Variants in MYT1L observed in about 807,000 individuals in gnomAD.
The protein encoded by MYT1L is myelin transcription factor 1 like, also known as myelin transcription factor 1-like protein.
Under a neutral mutation model 126.7 loss-of-function variants are expected in MYT1L, and 12 were observed. The ratio of observed to expected loss-of-function variants is 0.09; its 90% confidence interval spans 0.06 to 0.15. The LOEUF (loss-of-function observed/expected upper bound fraction) is 0.15. Ranked by LOEUF, MYT1L falls within the 10% of genes least tolerant of loss-of-function variation. The probability of loss-of-function intolerance (pLI) is 1.00; values close to 1 mark genes in which losing one functional copy is unlikely to be tolerated. For synonymous variants in MYT1L, 541 were observed against 604.2 expected, an observed-to-expected ratio of 0.90 and a Z score of 1.53; for missense variants, 979 against 1,585.2, an observed-to-expected ratio of 0.62 and a Z score of 6.49.
chr2:2,018,176 T>C (rs946230470), intron 4 of MYT1L, among the ~76,000 whole-genome samples: 4 of 152,234 alleles, frequency 2.6e-5, no homozygotes, highest in Admixed American at 6.5e-5. Context: ...GGTTTGATTT[T>C]TCTTTCTCTT....
At chr2:1,982,654 G>A (rs1247500353) in intron 5 of MYT1L, among the ~76,000 whole-genome samples, 1 of 152,202 alleles carries the variant, frequency 6.6e-6, no homozygotes, top group Admixed American at 6.5e-5. Context: ...TGGAGAGACA[G>A]GTGTGTTCCA....
chr2:2,050,315 A>C (rs1470558199), intron 4 of MYT1L, among the ~76,000 whole-genome samples: 1 of 152,214 alleles, frequency 6.6e-6, no homozygotes, highest in East Asian at 1.9e-4. Flanking sequence ...GAGCTATTTC[A>C]GCAGATTTCT....
intron 1 of MYT1L, among the ~76,000 whole-genome samples, chr2:2,285,890 C>T (rs1170559277): frequency 1.3e-5 from 2 of 152,232 alleles, no homozygotes; most frequent in Non-Finnish European, 2.9e-5. Context: ...CTCTTCCCAA[C>T]TCGAGGGTGC....
chr2:1,941,268 A>G (rs772506198), intron 9 of MYT1L, among the ~76,000 whole-genome samples: 9 of 152,210 alleles, frequency 5.9e-5, no homozygotes, highest in Non-Finnish European at 1.0e-4. Context: ...CAGATTTCCT[A>G]TCTTAATCCG....
chr2:2,191,322 A>G (rs2092579016), intron 2 of MYT1L, among the ~76,000 whole-genome samples: 1 of 152,222 alleles, frequency 6.6e-6, no homozygotes, highest in South Asian at 2.1e-4. Context: ...GGCAGGTCAG[A>G]TTGGAGTTTT....
chr2:2,187,196 T>C, intron 2 of MYT1L, among the ~76,000 whole-genome samples: 1 of 152,046 alleles, frequency 6.6e-6, no homozygotes, highest in East Asian at 1.9e-4. Flanking sequence ...TTCCTAAATC[T>C]GCCTTTGATG....
intron 4 of MYT1L, among the ~76,000 whole-genome samples, chr2:2,010,834 G>A (rs72767336): frequency 0.042 from 6,410 of 152,252 alleles, 201 homozygotes; most frequent in Non-Finnish European, 0.065. Context: ...GCAGCTCAGC[G>A]GAACAGAACC....
At chr2:2,226,116 G>T (rs1030558839) in intron 2 of MYT1L, among the ~76,000 whole-genome samples, 7 of 152,006 alleles carry the variant, frequency 4.6e-5, no homozygotes, top group Admixed American at 2.6e-4. Context: ...ATCTAGAGGC[G>T]GCAATGCAGG....
intron 21 of MYT1L, among the ~76,000 whole-genome samples, chr2:1,823,619 C>T (rs1167830486): frequency 6.6e-6 from 1 of 150,454 alleles, no homozygotes; most frequent in Non-Finnish European, 1.5e-5. Context: ...GCTGCATGTT[C>T]AGCCCTGCAG....
At chr2:2,265,031 T>G (rs998185635) in intron 2 of MYT1L, among the ~76,000 whole-genome samples, 12 of 145,604 alleles carry the variant, frequency 8.2e-5, no homozygotes, top group Non-Finnish European at 1.4e-4. Context: ...CTTTTTTAAT[T>G]TTTTTTTTTT....
chr2:1,928,158 G>T (rs2054480258), intron 9 of MYT1L, among the ~76,000 whole-genome samples: 1 of 152,158 alleles, frequency 6.6e-6, no homozygotes, highest in African/African-American at 2.4e-5. Context: ...TCACTGTGTT[G>T]CCCAGGCTCG....
At chr2:1,837,351 T>C (rs2041048768) in intron 21 of MYT1L, among the ~76,000 whole-genome samples, 1 of 152,198 alleles carries the variant, frequency 6.6e-6, no homozygotes, top group South Asian at 2.1e-4. Context: ...TTCGTTTGTG[T>C]CAGGTTAGCG....
At chr2:2,116,545 C>A (rs1026755986) in intron 3 of MYT1L, among the ~76,000 whole-genome samples, 2 of 152,236 alleles carry the variant, frequency 1.3e-5, no homozygotes, top group Non-Finnish European at 2.9e-5. Flanking sequence ...CCCCAGTGAG[C>A]CATGCCTTGT....
chr2:1,798,716 A>G (rs1330611785), intron 23 of MYT1L, among the ~76,000 whole-genome samples: 1 of 152,344 alleles, frequency 6.6e-6, no homozygotes. Context: ...GAGGCACGGG[A>G]AAGTCAGGAC....
intron 1 of MYT1L, among the ~76,000 whole-genome samples, chr2:2,329,680 T>C (rs1046080574): frequency 2.0e-5 from 3 of 152,178 alleles, no homozygotes; most frequent in African/African-American, 7.2e-5. Context: ...GATAGTATGG[T>C]AAGAGTTTTC....
chr2:1,799,059 G>C (rs1007244798), intron 23 of MYT1L, among the ~76,000 whole-genome samples: 1 of 152,194 alleles, frequency 6.6e-6, no homozygotes, highest in African/African-American at 2.4e-5. Context: ...TGCAGAGCTG[G>C]GGGACTCCGG....
chr2:2,226,932 T>C (rs1296802554), intron 2 of MYT1L, among the ~76,000 whole-genome samples: 2 of 152,204 alleles, frequency 1.3e-5, no homozygotes, highest in African/African-American at 4.8e-5. Context: ...TTAACAAGTA[T>C]GCCAGCAATA....
intron 23 of MYT1L, among the ~76,000 whole-genome samples, chr2:1,797,871 C>A: frequency 7.1e-6 from 1 of 140,324 alleles, no homozygotes; most frequent in South Asian, 2.4e-4. Context: ...CGGTCTCCCC[C>A]CATCCGGCAC....
chr2:2,060,815 T>G (rs1198906323), intron 3 of MYT1L, among the ~76,000 whole-genome samples: 8 of 148,708 alleles, frequency 5.4e-5, no homozygotes, highest in African/African-American at 9.9e-5. Context: ...CTCTTCTCTC[T>G]CTCTCTTTCC....
Sources: allele counts gnomAD v4.1 joint callset (sites outside exome capture counted in the v4.1 genomes callset), GRCh38; gene constraint gnomAD v4.1.1; transcripts MANE v1.5; gene names NCBI Gene and HGNC (gene_info 2026-07-23, HGNC 2026-07-21).